NRG3: variants seen among roughly 807,000 people sequenced by gnomAD.
The protein encoded by NRG3 is neuregulin 3.
Under a neutral mutation model 66.9 loss-of-function variants are expected in NRG3, and 31 were observed. That is an observed-to-expected ratio of 0.46 (90% confidence interval 0.35 to 0.63). The LOEUF is 0.63. NRG3 is among the 20% of genes least tolerant of loss of function. The pLI, the probability that NRG3 is intolerant of heterozygous loss-of-function variation, is 0.00. For missense variants in NRG3, 910 were observed against 878.9 expected, an observed-to-expected ratio of 1.04 and a Z score of -0.45; for synonymous variants, 393 against 359.4, an observed-to-expected ratio of 1.09 and a Z score of -1.06.
At chr10:82,866,375 G>T (rs1840739207) in intron 4 of NRG3, among the ~76,000 whole-genome samples, 1 of 152,164 alleles carries the variant, frequency 6.6e-6, no homozygotes, top group African/African-American at 2.4e-5. Flanking sequence ...TCAAAGTGTT[G>T]ATTTGGGATA....
intron 1 of NRG3, among the ~76,000 whole-genome samples, chr10:81,888,624 G>A (rs2132536576): frequency 6.6e-6 from 1 of 152,212 alleles, no homozygotes; most frequent in East Asian, 1.9e-4. Context: ...GGCCCAGGGA[G>A]GGAAAGGTCA....
At chr10:82,543,377 G>GA (rs1344781718) in intron 2 of NRG3, among the ~76,000 whole-genome samples, 2 of 151,776 alleles carry the variant, frequency 1.3e-5, no homozygotes, top group Non-Finnish European at 2.9e-5. Flanking sequence ...AATGATTCAG[G>GA]AAAAAAATAT....
rs571768500 is a variant in NRG3, at chr10:82,926,039, G to A, written c.1055-25430G>A. 4.6e-5 allele frequency among the ~76,000 whole-genome samples: 7 copies of A among 152,264 alleles called. No homozygotes were observed. In the East Asian group the frequency reaches 1.4e-3, roughly 30 times the overall value. On this transcript the variant is annotated intron_variant, in intron 4 of 8. Transcript: ENST00000372141. Reference sequence around the variant, plus strand: ...CCACCTCATTTCAAGCACAGTATTGGCTCCAAAGTACAGTTGGTCCTCCAT... The same window carrying A: ...CCACCTCATTTCAAGCACAGTATTGACTCCAAAGTACAGTTGGTCCTCCAT...
intron 2 of NRG3, among the ~76,000 whole-genome samples, chr10:82,418,480 T>G (rs1219289651): frequency 6.7e-6 from 1 of 148,676 alleles, no homozygotes; most frequent in African/African-American, 2.6e-5. Flanking sequence ...TAAGAAGGTA[T>G]AAGATGCTAT....
chr10:82,312,284 C>T (rs1042938971), intron 1 of NRG3, among the ~76,000 whole-genome samples: 1 of 152,060 alleles, frequency 6.6e-6, no homozygotes, highest in Non-Finnish European at 1.5e-5. Context: ...CTGAAGAGGC[C>T]ATTGAAGGCA....
intron 1 of NRG3, among the ~76,000 whole-genome samples, chr10:82,201,672 T>C (rs1333132782): frequency 6.6e-6 from 1 of 152,134 alleles, no homozygotes; most frequent in East Asian, 1.9e-4. Flanking sequence ...AAAGCAGTCA[T>C]ATCAGCAGGA....
intron 2 of NRG3, among the ~76,000 whole-genome samples, chr10:82,519,604 C>A (rs1565018955): frequency 6.6e-6 from 1 of 152,198 alleles, no homozygotes; most frequent in Non-Finnish European, 1.5e-5. Context: ...TCCCATCTCT[C>A]TTCTGGGCTC....
At chr10:82,841,213 T>C (rs1020624016) in intron 3 of NRG3, among the ~76,000 whole-genome samples, 8 of 152,138 alleles carry the variant, frequency 5.3e-5, no homozygotes, top group Non-Finnish European at 1.2e-4. Context: ...CCTACAGCCA[T>C]TGGAAGGAGT....
At chr10:82,202,424 G>C (rs2074884411) in intron 1 of NRG3, among the ~76,000 whole-genome samples, 1 of 151,928 alleles carries the variant, frequency 6.6e-6, no homozygotes, top group Non-Finnish European at 1.5e-5. Context: ...GAAACTGAAG[G>C]CAAAAAAAAT....
intron 1 of NRG3, among the ~76,000 whole-genome samples, chr10:82,316,237 A>G (rs2081288284): frequency 6.6e-6 from 1 of 152,214 alleles, no homozygotes; most frequent in Admixed American, 6.5e-5. Flanking sequence ...TTAGAAGAAT[A>G]TTCAAAACAC....
intron 3 of NRG3, among the ~76,000 whole-genome samples, chr10:82,775,826 G>A (rs7079037): frequency 0.34 from 52,185 of 151,818 alleles, 10,084 homozygotes; most frequent in African/African-American, 0.53. Flanking sequence ...AGGTGCTTTA[G>A]TGTTACCCAC....
intron 4 of NRG3, among the ~76,000 whole-genome samples, chr10:82,910,625 A>AT (rs1410124836): frequency 6.6e-6 from 1 of 152,206 alleles, no homozygotes; most frequent in Non-Finnish European, 1.5e-5. Flanking sequence ...GGACTAGAAG[A>AT]TTTTTTTATT....
intron 2 of NRG3, among the ~76,000 whole-genome samples, chr10:82,728,872 A>T (rs1372275384): frequency 1.3e-5 from 2 of 152,208 alleles, no homozygotes; most frequent in Non-Finnish European, 2.9e-5. Context: ...CATTTAATTG[A>T]GTAGACAAAT....
intron 1 of NRG3, among the ~76,000 whole-genome samples, chr10:82,141,592 C>T (rs1274243322): frequency 6.6e-6 from 1 of 152,012 alleles, no homozygotes; most frequent in African/African-American, 2.4e-5. Flanking sequence ...CTTTTCACTT[C>T]TGTGAAGCAG....
chr10:81,875,941 T>C lies in NRG3; in HGVS notation c.601T>C (p.Phe201Leu), dbSNP rs1841590989. Residue 201 changes from phenylalanine (F) to leucine (L), a missense_variant, in exon 1 of 9, where the codon TTC (phenylalanine) becomes CTC (leucine). By Grantham distance (22) the Phe-to-Leu change is conservative. Transcript: ENST00000372141. The surrounding 1 kb of genome is among the most constrained non-coding windows in gnomAD (Gnocchi z 5.3). ...ATVPSTTAPF[F>L]SSSTLGSRPP... ...GGTCCCGTCCACCACGGCCCCGTTC[T>C]TCAGTAGCAGCACGCTGGGCTCCCG... 6.2e-7 allele frequency: 1 copy of C among 1,613,706 alleles called. No individual in the cohort carries two copies. The highest frequency in any genetic ancestry group is 8.5e-7 in the Non-Finnish European group (1 of 1,180,020).
At chr10:82,489,844 G>A (rs1842955133) in intron 2 of NRG3, among the ~76,000 whole-genome samples, 1 of 152,100 alleles carries the variant, frequency 6.6e-6, no homozygotes, top group Admixed American at 6.5e-5. Context: ...AAAGTTTTTG[G>A]ATCAACATTA....
intron 2 of NRG3, among the ~76,000 whole-genome samples, chr10:82,543,624 G>A (rs1415709494): frequency 1.3e-5 from 2 of 152,092 alleles, no homozygotes; most frequent in Admixed American, 6.5e-5. Flanking sequence ...TCCACTGTTC[G>A]TCCAGGGACT....
At chr10:82,642,553 T>C (rs1356568830) in intron 2 of NRG3, among the ~76,000 whole-genome samples, 1 of 151,536 alleles carries the variant, frequency 6.6e-6, no homozygotes, top group Non-Finnish European at 1.5e-5. Context: ...GAGAAATATA[T>C]GAGATGATAC....
At chr10:82,815,203 C>T (rs2061656590) in intron 3 of NRG3, among the ~76,000 whole-genome samples, 1 of 152,156 alleles carries the variant, frequency 6.6e-6, no homozygotes, top group African/African-American at 2.4e-5. Flanking sequence ...TGTGCCTTCT[C>T]CAGAGTTTCC....
Sources: gnomAD v4.1 joint callset for allele counts (sites outside exome capture counted in the v4.1 genomes callset) on GRCh38, gnomAD v4.1.1 for gene constraint, Gnocchi (gnomAD v3.1) non-coding constraint, MANE v1.5 for transcripts, NCBI Gene and HGNC (gene_info 2026-07-23, HGNC 2026-07-21) for gene names.